Variants in MGAT4C observed in about 807,000 individuals in gnomAD.
MGAT4C encodes MGAT4 family member C.
MGAT4C carries 19 observed loss-of-function variants against 40.1 expected under a neutral mutation model. That is an observed-to-expected ratio of 0.47 (90% CI 0.33 to 0.70). The LOEUF (loss-of-function observed/expected upper bound fraction) is 0.70, where lower values mean the gene tolerates loss of function less well. MGAT4C is among the 30% of genes least tolerant of loss of function. The pLI is 0.02. For missense variants in MGAT4C, 491 were observed against 563.2 expected (o/e 0.87, Z 1.30); for synonymous variants, 181 against 187.1 (o/e 0.97, Z 0.27).
intron 1 of MGAT4C, among the ~76,000 whole-genome samples, chr12:86,162,871 G>A (rs1191575516): frequency 6.6e-6 from 1 of 151,938 alleles, no homozygotes; most frequent in Non-Finnish European, 1.5e-5. Context: ...ATACTTTGTG[G>A]GACATTCTAC....
intron 1 of MGAT4C, among the ~76,000 whole-genome samples, chr12:86,830,188 T>C (rs113871263): frequency 0.013 from 2,009 of 151,604 alleles, 35 homozygotes; most frequent in African/African-American, 0.045. Flanking sequence ...TCCATCCATC[T>C]CTTTCTGCCC....
chr12:86,268,284 T>C (rs1212163427), intron 4 of MGAT4C, among the ~76,000 whole-genome samples: 1 of 152,090 alleles, frequency 6.6e-6, no homozygotes, highest in East Asian at 1.9e-4. Context: ...ACATCCTTAA[T>C]TGAAAGCCAG....
At chr12:86,274,277 A>C (rs1306260076) in intron 4 of MGAT4C, among the ~76,000 whole-genome samples, 1 of 152,182 alleles carries the variant, frequency 6.6e-6, no homozygotes, top group East Asian at 1.9e-4. Context: ...TCCAACATTC[A>C]AGATTAAAAT....
intron 4 of MGAT4C, among the ~76,000 whole-genome samples, chr12:86,278,026 A>G: frequency 6.6e-6 from 1 of 152,172 alleles, no homozygotes. Context: ...TCCAGGGAAC[A>G]TGAAATATAT....
rs949278687 is a variant in MGAT4C at position 85,958,702 on chromosome 12, T to A, written c.*20587A>T. ...AACTAGCAATTTTAAAGACTTAAAGTTTAATTTTTATTATTAAAAGGGTAT... is the reference window on the plus strand; with the variant it reads ...AACTAGCAATTTTAAAGACTTAAAGATTAATTTTTATTATTAAAAGGGTAT... On this transcript the variant is annotated 3_prime_UTR_variant, in exon 5 of 5. Transcript: ENST00000611864. The A allele has an allele frequency of 6.6e-6, 1 of 152,082 alleles. No homozygotes were observed. Among genetic ancestry groups the A allele is most frequent in the Non-Finnish European group, 1.5e-5 (1 of 68,002 alleles). 9.4% of individuals were successfully genotyped at this position (152,082 alleles called of 1,614,324 possible). A position where few individuals can be genotyped will look rare whatever the true frequency, so the allele number is the denominator to read the frequency against.
intron 3 of MGAT4C, among the ~76,000 whole-genome samples, chr12:85,986,059 C>T (rs1885159880): frequency 6.6e-6 from 1 of 152,098 alleles, no homozygotes; most frequent in Non-Finnish European, 1.5e-5. Flanking sequence ...GATTTAAGGA[C>T]ATAACAGAAT....
chr12:86,205,520 A>G (rs1011445563), intron 1 of MGAT4C, among the ~76,000 whole-genome samples: 4 of 151,660 alleles, frequency 2.6e-5, no homozygotes, highest in Non-Finnish European at 5.9e-5. Context: ...TTAATCCTAT[A>G]AAAGCAATAT....
intron 1 of MGAT4C, among the ~76,000 whole-genome samples, chr12:86,053,419 G>A (rs534353008): frequency 2.8e-4 from 43 of 151,802 alleles, no homozygotes; most frequent in Admixed American, 5.9e-4. Flanking sequence ...GTATCCCCTG[G>A]GCAGTATTCA....
chr12:86,533,876 G>C (rs78397372), intron 2 of MGAT4C, among the ~76,000 whole-genome samples: 9,808 of 150,912 alleles, frequency 0.065, 760 homozygotes, highest in East Asian at 0.24. Flanking sequence ...AGGCACAACT[G>C]ACCAGCATAA....
chr12:86,060,652 T>C (rs191531123), intron 1 of MGAT4C, among the ~76,000 whole-genome samples: 64 of 152,328 alleles, frequency 4.2e-4, no homozygotes, highest in African/African-American at 1.4e-3. Flanking sequence ...CTAAGAGAGA[T>C]AGCACAAAAT....
chr12:86,509,492 C>T (rs143216683), intron 2 of MGAT4C, among the ~76,000 whole-genome samples: 9,900 of 152,076 alleles, frequency 0.065, 769 homozygotes, highest in East Asian at 0.24. Context: ...AGTCAGGTAG[C>T]GTGATGCCTC....
At chr12:86,173,327 C>G (rs1439564000) in intron 1 of MGAT4C, among the ~76,000 whole-genome samples, 2 of 152,060 alleles carry the variant, frequency 1.3e-5, no homozygotes, top group South Asian at 2.1e-4. Flanking sequence ...CAATGACTCT[C>G]TTGCCAGTTA....
chr12:86,777,854 G>T (rs1951771064), intron 1 of MGAT4C, among the ~76,000 whole-genome samples: 2 of 152,132 alleles, frequency 1.3e-5, no homozygotes. Flanking sequence ...AAGTAGCTGT[G>T]CAGGGATGTC....
rs971687383 is a variant in MGAT4C, at chr12:86,166,382, A to T, written c.-57+89857T>A. 2.0e-5 allele frequency among the ~76,000 whole-genome samples: 3 copies of T among 152,324 alleles called. 1 individual carries two copies. Among genetic ancestry groups the T allele is most frequent in the African/African-American group, 7.2e-5 (3 of 41,584 alleles). ...CTATGTACTAGAATAAAATTTGACT[A>T]CTAAGCCGGGTGGGTGCGGTGGCTC... On this transcript the variant is annotated intron_variant, in intron 1 of 4. Coordinates refer to ENST00000611864, the MANE Select transcript of MGAT4C (RefSeq NM_001351288.2).
intron 3 of MGAT4C, among the ~76,000 whole-genome samples, chr12:86,398,398 G>A (rs1272012079): frequency 6.6e-6 from 1 of 152,070 alleles, no homozygotes; most frequent in Non-Finnish European, 1.5e-5. Flanking sequence ...AAAGTCTGTT[G>A]CAATTTAATC....
chr12:86,686,095 G>A (rs1366815787), intron 2 of MGAT4C, among the ~76,000 whole-genome samples: 1 of 151,602 alleles, frequency 6.6e-6, no homozygotes, highest in Non-Finnish European at 1.5e-5. Context: ...TAGTCAGGAT[G>A]GTCTCGATCT....
intron 4 of MGAT4C, among the ~76,000 whole-genome samples, chr12:86,277,903 T>G (rs1953115902): frequency 6.6e-6 from 1 of 152,148 alleles, no homozygotes; most frequent in Admixed American, 6.5e-5. Flanking sequence ...CCATGTAAAT[T>G]TTAGGATTAT....
At chr12:86,312,087 T>C (rs1954093555) in intron 4 of MGAT4C, among the ~76,000 whole-genome samples, 1 of 152,208 alleles carries the variant, frequency 6.6e-6, no homozygotes, top group Non-Finnish European at 1.5e-5. Flanking sequence ...GTTGTTTCGC[T>C]TTTTGCACAA....
At chr12:86,376,241 A>C (rs2136215725) in intron 3 of MGAT4C, among the ~76,000 whole-genome samples, 1 of 145,274 alleles carries the variant, frequency 6.9e-6, no homozygotes, top group East Asian at 2.0e-4. Context: ...AAAAAAAAAG[A>C]GCCGGGTGTT....
Sources: gnomAD v4.1 joint callset for allele counts (sites outside exome capture counted in the v4.1 genomes callset) on GRCh38, gnomAD v4.1.1 for gene constraint, MANE v1.5 for transcripts, NCBI Gene and HGNC (gene_info 2026-07-23, HGNC 2026-07-21) for gene names.